GOLM2: variants seen among roughly 807,000 people sequenced by gnomAD.
GOLM2 encodes the protein protein GOLM2.
GOLM2 carries 26 observed loss-of-function variants against 55.9 expected under a neutral mutation model. The ratio of observed to expected loss-of-function variants is 0.47; its 90% CI spans 0.34 to 0.65. The LOEUF (loss-of-function observed/expected upper bound fraction) is 0.65, where lower values mean the gene tolerates loss of function less well. Among genes scored for constraint, GOLM2 ranks in the 30% least tolerant of loss-of-function variants. The probability of loss-of-function intolerance (pLI) is 0.01; values close to 1 mark genes in which losing one functional copy is unlikely to be tolerated. For missense variants in GOLM2, 486 were observed against 531.8 expected, an observed-to-expected ratio of 0.91 and a Z score of 0.85; for synonymous variants, 165 against 194.6, an observed-to-expected ratio of 0.85 and a Z score of 1.27.
At chr15:44,403,346 G>T (rs930947430) in intron 9 of GOLM2, among the ~76,000 whole-genome samples, 24 of 152,120 alleles carry the variant, frequency 1.6e-4, no homozygotes, top group Admixed American at 1.4e-3. Context: ...ATATTTAGTA[G>T]AGACGGGGTT....
intron 3 of GOLM2, 57 bp downstream of exon 3, chr15:44,328,844 G>C: frequency 8.7e-7 from 1 of 1,150,048 alleles, no homozygotes; most frequent in Non-Finnish European, 1.2e-6. Context: ...CCAGCTTTTG[G>C]ACTCAGTTCA....
At position 44,298,542 on chromosome 15, in the gene GOLM2, C is replaced by G. The variant is rs568575690; in HGVS notation, c.327+9186C>G. Reference sequence around the variant, plus strand: ...CCACCCACCTGGGCCTCCCAAAGTGCTGGGATTACAGGTGTGAGCCACTGC... The same window carrying G: ...CCACCCACCTGGGCCTCCCAAAGTGGTGGGATTACAGGTGTGAGCCACTGC... On this transcript the variant is annotated intron_variant, in intron 1 of 9. Coordinates refer to ENST00000299957, the MANE Select transcript of GOLM2 (RefSeq NM_138423.4). Among the ~76,000 whole-genome samples, 253 of 151,834 alleles carry G rather than the reference C, an allele frequency of 1.7e-3. 3 individuals are homozygous for G. The highest frequency in any genetic ancestry group is 5.8e-3 in the African/African-American group (238 of 41,368).
At chr15:44,383,702 G>A (rs1337271547) in intron 8 of GOLM2, among the ~76,000 whole-genome samples, 3 of 127,512 alleles carry the variant, frequency 2.4e-5, no homozygotes, top group Admixed American at 9.4e-5. Context: ...TTGAGACAAC[G>A]TCTCACTCTA....
chr15:44,412,793 A>T (rs1038769789), intron 9 of GOLM2, among the ~76,000 whole-genome samples: 3 of 152,096 alleles, frequency 2.0e-5, no homozygotes, highest in African/African-American at 7.2e-5. Flanking sequence ...ACCTGAGGTG[A>T]AGAGTTTGAG....
At chr15:44,361,934 G>A (rs1310855773) in intron 6 of GOLM2, among the ~76,000 whole-genome samples, 1 of 152,118 alleles carries the variant, frequency 6.6e-6, no homozygotes, top group Non-Finnish European at 1.5e-5. Flanking sequence ...CAGAGCCAAA[G>A]ACAAAAACCA....
chr15:44,403,881 T>A (rs2079581693), intron 9 of GOLM2, among the ~76,000 whole-genome samples: 1 of 152,214 alleles, frequency 6.6e-6, no homozygotes, highest in Non-Finnish European at 1.5e-5. Flanking sequence ...GCTTAAAATT[T>A]ATATTTAACA....
intron 4 of GOLM2, among the ~76,000 whole-genome samples, chr15:44,334,483 G>T (rs1026943819): frequency 6.6e-6 from 1 of 152,052 alleles, no homozygotes; most frequent in South Asian, 2.1e-4. Context: ...ACTATAGCCC[G>T]CAGGCTGAAT....
chr15:44,299,196 A>G (rs1422524702), intron 1 of GOLM2, among the ~76,000 whole-genome samples: 1 of 152,186 alleles, frequency 6.6e-6, no homozygotes, highest in African/African-American at 2.4e-5. Flanking sequence ...TTTCTGCTTT[A>G]TGCTATTCAG....
At position 44,350,278 on chromosome 15, in the gene GOLM2, T is replaced by A. The variant is rs528281864; in HGVS notation, c.802+11961T>A. On this transcript the variant is annotated intron_variant, in intron 6 of 9. Transcript: ENST00000299957. ...AAGAAGACCCAAATAAAGTCAGAAA[T>A]GAAAAAGGAGATATTGCAATAGATA... Among the ~76,000 whole-genome samples the A allele has an allele frequency of 4.0e-4, 60 of 151,768 alleles. No homozygotes were observed. In the South Asian group the frequency reaches 0.011, roughly 28 times the overall value.
chr15:44,369,097 A>ACATATTATATATATATATATATATATG (rs796198331), intron 6 of GOLM2, among the ~76,000 whole-genome samples: 2 of 91,194 alleles, frequency 2.2e-5, no homozygotes, highest in Non-Finnish European at 4.5e-5. Context: ...ATATATATAT[A>ACATATTATATATATATATATATATATG]TATATATATA....
At chr15:44,400,202 T>A (rs2079555523) in intron 8 of GOLM2, among the ~76,000 whole-genome samples, 1 of 152,018 alleles carries the variant, frequency 6.6e-6, no homozygotes, top group Non-Finnish European at 1.5e-5. Flanking sequence ...ATTTATTTAT[T>A]TATATATTGT....
intron 6 of GOLM2, among the ~76,000 whole-genome samples, chr15:44,360,682 T>G (rs1319874624): frequency 6.6e-6 from 1 of 152,084 alleles, no homozygotes; most frequent in Admixed American, 6.5e-5. Context: ...GGAATTGAAC[T>G]CAGCTCTGCA....
At chr15:44,366,427 A>G (rs1364349980) in intron 6 of GOLM2, among the ~76,000 whole-genome samples, 1 of 152,062 alleles carries the variant, frequency 6.6e-6, no homozygotes, top group Non-Finnish European at 1.5e-5. Context: ...GGATCGCTTG[A>G]GTCCAGGAGT....
At chr15:44,349,530 T>C (rs1455667627) in intron 6 of GOLM2, among the ~76,000 whole-genome samples, 1 of 152,140 alleles carries the variant, frequency 6.6e-6, no homozygotes, top group Admixed American at 6.6e-5. Context: ...TAAATTTCAA[T>C]ACAATAATAG....
intron 6 of GOLM2, among the ~76,000 whole-genome samples, chr15:44,363,299 C>T (rs1033236782): frequency 1.3e-5 from 2 of 152,118 alleles, no homozygotes; most frequent in Non-Finnish European, 2.9e-5. Context: ...GCTCATCTGA[C>T]AAAGGGCTAA....
chr15:44,360,168 C>G (rs1183887509), intron 6 of GOLM2, among the ~76,000 whole-genome samples: 1 of 152,020 alleles, frequency 6.6e-6, no homozygotes, highest in African/African-American at 2.4e-5. Context: ...AACCAGCTAA[C>G]ATCATAATGA....
At chr15:44,403,266 G>C in intron 9 of GOLM2, 2 of 533,942 alleles carry the variant, frequency 3.7e-6, no homozygotes, top group Non-Finnish European at 6.8e-6. Flanking sequence ...GGGTTCAAGC[G>C]ATTCTCCTGC....
At chr15:44,389,551 A>T (rs1364254401) in intron 8 of GOLM2, among the ~76,000 whole-genome samples, 2 of 152,156 alleles carry the variant, frequency 1.3e-5, no homozygotes, top group African/African-American at 4.8e-5. Context: ...AGTAAATAAA[A>T]AATAAAAGCA....
At chr15:44,384,743 T>A (rs1439389687) in intron 8 of GOLM2, among the ~76,000 whole-genome samples, 2 of 141,306 alleles carry the variant, frequency 1.4e-5, no homozygotes, top group Non-Finnish European at 3.1e-5. Context: ...CGAGACTCCA[T>A]CTCAAAAAAA....
Sources: allele counts gnomAD v4.1 joint callset (sites outside exome capture counted in the v4.1 genomes callset), GRCh38; gene constraint gnomAD v4.1.1; transcripts MANE v1.5; gene names NCBI Gene and HGNC (gene_info 2026-07-23, HGNC 2026-07-21).